Variants in NOL4 observed in about 807,000 individuals in gnomAD.
The protein encoded by NOL4 is nucleolar protein 4.
NOL4 carries 17 observed loss-of-function variants against 75.9 expected under a neutral mutation model. The observed-to-expected ratio is 0.22, with a 90% confidence interval of 0.15 to 0.34. NOL4 has a LOEUF of 0.34. Among genes scored for constraint, NOL4 ranks in the 10% least tolerant of loss-of-function variants. The probability of loss-of-function intolerance (pLI) is 1.00; values close to 1 mark genes in which losing one functional copy is unlikely to be tolerated. For missense variants in NOL4, 614 were observed against 793.5 expected (o/e 0.77, Z 2.72); for synonymous variants, 292 against 289.9 (o/e 1.01, Z -0.07).
intron 5 of NOL4, among the ~76,000 whole-genome samples, chr18:34,021,558 A>T (rs2075038789): frequency 6.6e-6 from 1 of 152,188 alleles, no homozygotes; most frequent in Non-Finnish European, 1.5e-5. Context: ...TATTGTGGGA[A>T]GTGACATGGA....
chr18:33,915,398 AT>A (rs1225888260), intron 9 of NOL4, among the ~76,000 whole-genome samples: 5 of 151,436 alleles, frequency 3.3e-5, no homozygotes, highest in African/African-American at 1.2e-4. Flanking sequence ...ATAATATTTT[AT>A]TTTTTTTGCT....
In NOL4 at chr18:34,224,568, C is replaced by G. The variant is rs562200287; in HGVS notation, c.-1315G>C. ...TTATTCTACTCTCACCCGAGGCCCG[C>G]GCCCGTCCCGGGGAGCGGCTCTGCC... is the stretch of plus-strand genomic sequence containing the variant. On this transcript the variant is annotated 5_prime_UTR_variant, in exon 1 of 11. Coordinates refer to ENST00000261592, the MANE Select transcript of NOL4 (RefSeq NM_003787.5). The G allele has an allele frequency of 6.6e-6, 1 of 152,424 alleles. No homozygotes were observed. The highest frequency in any genetic ancestry group is 2.1e-4 in the South Asian group (1 of 4,826). The allele number at this position is 152,424 out of a possible 1,614,324, so 9.4% of individuals were successfully genotyped here.
intron 1 of NOL4, among the ~76,000 whole-genome samples, chr18:34,175,767 A>G (rs942917540): frequency 1.3e-5 from 2 of 152,152 alleles, no homozygotes; most frequent in African/African-American, 4.8e-5. Context: ...GTTGCTACAC[A>G]TGACAAAGAA....
chr18:33,976,893 G>A lies in NOL4; in HGVS notation c.1057-18475C>T, dbSNP rs1057285229. 6.6e-5 allele frequency among the ~76,000 whole-genome samples: 10 copies of A among 151,752 alleles called. No homozygotes were observed. The East Asian group carries it at 1.7e-3, about 26-fold the overall frequency. ...GTTTTATATAAATATTTATTTCACT[G>A]GCCTAGGCTTTAGACATTAAAAGAC... On this transcript the variant is annotated intron_variant, in intron 6 of 10. Coordinates refer to ENST00000261592, the MANE Select transcript of NOL4 (RefSeq NM_003787.5).
chr18:34,098,070 A>G (rs1184007952), intron 4 of NOL4, among the ~76,000 whole-genome samples: 1 of 152,078 alleles, frequency 6.6e-6, no homozygotes, highest in African/African-American at 2.4e-5. Flanking sequence ...ATGGATATTG[A>G]CCATGTAGTG....
At chr18:33,916,613 T>C (rs1233369494) in intron 9 of NOL4, among the ~76,000 whole-genome samples, 1 of 152,212 alleles carries the variant, frequency 6.6e-6, no homozygotes, top group Non-Finnish European at 1.5e-5. Context: ...AGTTTTAATA[T>C]CCAATGCTTA....
In NOL4 at chr18:34,019,540, T is replaced by C. The variant is rs775579221; in HGVS notation, c.834A>G (p.Ser278=). 15 of 1,613,894 alleles carry C rather than the reference T, an allele frequency of 9.3e-6. No homozygotes were observed. In the East Asian group the frequency reaches 3.1e-4, roughly 34 times the overall value. The change falls in exon 6 of 11, where the codon TCA becomes TCG. Residue 278 remains serine, a synonymous_variant. Coordinates refer to ENST00000261592, the MANE Select transcript of NOL4 (RefSeq NM_003787.5). ...CCATCTCCCTGCTGTGTGTTCCCCC[T>C]GAAGCAATTGAACTGTGCCCCAGAG... ...NETLGHSSIA[S]GGTHSREMGD... is the part of the protein sequence containing the mutation.
chr18:33,970,757 G>T (rs2070990179), intron 6 of NOL4, among the ~76,000 whole-genome samples: 1 of 151,934 alleles, frequency 6.6e-6, no homozygotes, highest in South Asian at 2.1e-4. Context: ...GTGTGTATGT[G>T]TATGTGTGTG....
chr18:34,090,572 G>T (rs1048810572), intron 5 of NOL4, among the ~76,000 whole-genome samples: 1 of 151,796 alleles, frequency 6.6e-6, no homozygotes, highest in Non-Finnish European at 1.5e-5. Flanking sequence ...GGAAGAGGGA[G>T]TTGAAGCCTG....
chr18:34,073,792 G>C (rs1410456819), intron 5 of NOL4, among the ~76,000 whole-genome samples: 1 of 151,806 alleles, frequency 6.6e-6, no homozygotes, highest in Non-Finnish European at 1.5e-5. Context: ...TAAAAAACTA[G>C]GCATTTGTTT....
At chr18:34,085,699 G>A (rs1055999163) in intron 5 of NOL4, among the ~76,000 whole-genome samples, 2 of 152,154 alleles carry the variant, frequency 1.3e-5, no homozygotes, top group Non-Finnish European at 2.9e-5. Context: ...TCCCAAATAA[G>A]TGATCTTAAA....
chr18:33,882,541 A>C lies in NOL4; in HGVS notation c.1723+703T>G, dbSNP rs966211168. ...ACACCAGTTAGAATGGCAATCATTA[A>C]AAAGTCAGGAAACAACAGGTGCTGG... is the stretch of plus-strand genomic sequence containing the variant. On this transcript the variant is annotated intron_variant, in intron 10 of 10. Transcript: ENST00000261592. Among the ~76,000 whole-genome samples, 40 of 151,408 alleles carry C rather than the reference A, an allele frequency of 2.6e-4. 1 individual carries two copies. The highest frequency in any genetic ancestry group is 4.0e-4 in the Non-Finnish European group (27 of 67,834).
In NOL4 at chr18:33,863,067, T is replaced by C. The variant is rs184297662; in HGVS notation, c.1724-10032A>G. Among the ~76,000 whole-genome samples the C allele has an allele frequency of 9.1e-4, 139 of 152,266 alleles. No individual in the cohort carries two copies. In the East Asian group the frequency reaches 0.02, roughly 22 times the overall value. On this transcript the variant is annotated intron_variant, in intron 10 of 10. Transcript: ENST00000261592. The stretch of plus-strand genomic sequence containing the variant: ...CTGGATTAAGAAAATGTGGCACATA[T>C]ACACCATGGAATACTATGCAGCCAT...
intron 2 of NOL4, among the ~76,000 whole-genome samples, chr18:34,128,112 T>A (rs1335715179): frequency 6.6e-6 from 1 of 151,948 alleles, no homozygotes; most frequent in Non-Finnish European, 1.5e-5. Flanking sequence ...TCAGATTCTC[T>A]ACATTTCATT....
intron 10 of NOL4, among the ~76,000 whole-genome samples, chr18:33,865,098 G>T (rs952939796): frequency 2.0e-5 from 3 of 152,050 alleles, no homozygotes; most frequent in African/African-American, 7.2e-5. Context: ...CTAGACAATT[G>T]TAACCTTCTG....
chr18:34,184,607 C>T (rs747577569), intron 1 of NOL4, among the ~76,000 whole-genome samples: 3 of 151,984 alleles, frequency 2.0e-5, no homozygotes, highest in South Asian at 2.1e-4. Flanking sequence ...GATCCACAAG[C>T]GACAGAGTGA....
intron 1 of NOL4, among the ~76,000 whole-genome samples, chr18:34,184,551 G>A (rs1451036391): frequency 6.6e-6 from 1 of 152,052 alleles, no homozygotes; most frequent in Admixed American, 6.6e-5. Flanking sequence ...AAGGAGTCAA[G>A]GAAGGGACTG....
chr18:33,891,299 T>C (rs1284277497), intron 9 of NOL4, among the ~76,000 whole-genome samples: 4 of 152,112 alleles, frequency 2.6e-5, no homozygotes, highest in Admixed American at 2.0e-4. Flanking sequence ...CCTGAGTTTA[T>C]GGGTGAAGGC....
chr18:33,957,645 G>C (rs1374376262), intron 7 of NOL4, 128 bp from the exon 8 acceptor site: 13 of 612,600 alleles, frequency 2.1e-5, no homozygotes, highest in East Asian at 5.8e-5. Context: ...CTTTGCAATG[G>C]AAAGCCAGAA....
Sources: gnomAD v4.1 joint callset for allele counts (sites outside exome capture counted in the v4.1 genomes callset) on GRCh38, gnomAD v4.1.1 for gene constraint, MANE v1.5 for transcripts, NCBI Gene and HGNC (gene_info 2026-07-23, HGNC 2026-07-21) for gene names.